IL31RA: variants seen among roughly 807,000 people sequenced by gnomAD.
IL31RA encodes the protein interleukin 31 receptor A.
A neutral mutation model predicts 83.7 loss-of-function variants in IL31RA; 66 were observed. That is an observed-to-expected ratio of 0.79 (90% CI 0.65 to 0.97). The LOEUF (loss-of-function observed/expected upper bound fraction) is 0.97. Ranked by LOEUF, IL31RA falls within the 50% of genes least tolerant of loss-of-function variation. The probability of loss-of-function intolerance (pLI) is 0.00; values close to 1 mark genes in which losing one functional copy is unlikely to be tolerated. For synonymous variants in IL31RA, 325 were observed against 329.0 expected (o/e 0.99, Z 0.13); for missense variants, 798 against 919.4 (o/e 0.87, Z 1.71).
At chr5:55,891,523 G>A (rs1050196588) in intron 6 of IL31RA, among the ~76,000 whole-genome samples, 6 of 152,008 alleles carry the variant, frequency 3.9e-5, no homozygotes, top group African/African-American at 1.5e-4. Flanking sequence ...GCATTCTTTG[G>A]CTTGTGGTCC....
At chr5:55,869,046 T>C in intron 3 of IL31RA, 138 bp downstream of exon 3, 1 of 739,836 alleles carries the variant, frequency 1.4e-6, no homozygotes, top group Non-Finnish European at 2.5e-6. Flanking sequence ...GTGCAGCCAG[T>C]GGCTTGTGGA....
At chr5:55,883,473 G>C (rs1175232063) in intron 5 of IL31RA, among the ~76,000 whole-genome samples, 2 of 152,204 alleles carry the variant, frequency 1.3e-5, no homozygotes, top group Non-Finnish European at 2.9e-5. Context: ...GTCTGGCTAT[G>C]TTGGCTACCA....
In IL31RA at chr5:55,910,542, C is replaced by T; in HGVS notation, c.1512C>T (p.Val504=). The T allele has an allele frequency of 6.2e-7, 1 of 1,614,134 alleles. No individual in the cohort carries two copies. Residue 504 remains valine (V), a synonymous_variant, in exon 12 of 15, where the codon GTC becomes GTT. Transcript: ENST00000652347. ...GTATTTTTCCTTTAGCCAAGACAGT[C>T]AATTCCAGCATCTTGCAGTACGGCC... is the stretch of plus-strand genomic sequence containing the variant. ...AEGGKGFSKT[V]NSSILQYGLE... is the part of the protein sequence containing the mutation.
At chr5:55,864,821 G>A (rs928723833) in intron 2 of IL31RA, among the ~76,000 whole-genome samples, 2 of 149,192 alleles carry the variant, frequency 1.3e-5, no homozygotes, top group Non-Finnish European at 3.0e-5. Flanking sequence ...CATATACTAT[G>A]CACACATACT....
At chr5:55,893,898 G>A (rs1001268227) in intron 6 of IL31RA, among the ~76,000 whole-genome samples, 5 of 144,278 alleles carry the variant, frequency 3.5e-5, no homozygotes, top group South Asian at 2.2e-4. Flanking sequence ...TGCAGCCTCC[G>A]CCTCCCAGGC....
chr5:55,889,949 A>C, intron 5 of IL31RA, 21 bp from the exon 6 acceptor site: 1 of 1,613,048 alleles, frequency 6.2e-7, no homozygotes, highest in Non-Finnish European at 8.5e-7. Flanking sequence ...ATTTCAGTTT[A>C]GGATTGTCTC....
rs1749269837 is a variant in IL31RA at position 55,908,180 on chromosome 5, C to T, written c.1355-85C>T. 6 of 1,595,522 alleles carry T rather than the reference C, an allele frequency of 3.8e-6. No individual in the cohort carries two copies. The South Asian group carries it at 4.5e-5, about 12-fold the overall frequency. On this transcript the variant is annotated intron_variant, in intron 10 of 14. Coordinates refer to ENST00000652347, the MANE Select transcript of IL31RA (RefSeq NM_139017.7). Reference sequence around the variant, plus strand: ...GTCGCCTCCAGCACTATGGTTTGGTCTGAGTACTGGCCAGGGCCTTTGTGG... The same window carrying T: ...GTCGCCTCCAGCACTATGGTTTGGTTTGAGTACTGGCCAGGGCCTTTGTGG...
chr5:55,887,714 G>C (rs112719055), intron 5 of IL31RA, among the ~76,000 whole-genome samples: 1 of 151,918 alleles, frequency 6.6e-6, no homozygotes, highest in African/African-American at 2.4e-5. Context: ...GTGAAACCCC[G>C]TCCCTCTAAA....
At chr5:55,893,061 CA>C (rs1015971015) in intron 6 of IL31RA, among the ~76,000 whole-genome samples, 4 of 152,162 alleles carry the variant, frequency 2.6e-5, no homozygotes, top group Non-Finnish European at 5.9e-5. Context: ...TGTTTCAAAA[CA>C]TGTATTCTAA....
rs544405770 is a variant in IL31RA, at chr5:55,919,190, C to G, written c.*2070C>G. Reference sequence around the variant, plus strand: ...ATGGGGGAGGGCACGGGTACCCCCACAGCTGTTCTTTCAACCCTCCTGCCC... The same window carrying G: ...ATGGGGGAGGGCACGGGTACCCCCAGAGCTGTTCTTTCAACCCTCCTGCCC... On this transcript the variant is annotated 3_prime_UTR_variant, in exon 15 of 15. Transcript: ENST00000652347. Among the ~76,000 whole-genome samples the G allele has an allele frequency of 5.4e-4, 83 of 152,298 alleles. No homozygotes were observed. Among genetic ancestry groups the G allele is most frequent in the Admixed American group, 9.1e-4 (14 of 15,308 alleles).
chr5:55,862,611 GT>G (rs1177144950), intron 2 of IL31RA, among the ~76,000 whole-genome samples: 1 of 152,112 alleles, frequency 6.6e-6, no homozygotes, highest in Non-Finnish European at 1.5e-5. Flanking sequence ...GTTTCACCAT[GT>G]TGGCCCGGCT....
chr5:55,858,122 T>G (rs1342075112), intron 1 of IL31RA, among the ~76,000 whole-genome samples: 2 of 152,176 alleles, frequency 1.3e-5, no homozygotes, highest in Non-Finnish European at 2.9e-5. Flanking sequence ...AACTTAAAAA[T>G]ATTTTAATAT....
intron 2 of IL31RA, among the ~76,000 whole-genome samples, chr5:55,865,099 AC>A (rs1180969377): frequency 6.6e-6 from 1 of 152,092 alleles, no homozygotes; most frequent in Admixed American, 6.5e-5. Context: ...CTGTTTGCTG[AC>A]CCCAAAAGTC....
intron 4 of IL31RA, among the ~76,000 whole-genome samples, chr5:55,876,164 T>C (rs934022775): frequency 6.6e-6 from 1 of 152,164 alleles, no homozygotes; most frequent in Non-Finnish European, 1.5e-5. Context: ...TCCCAGCACT[T>C]TGGGAGGCTG....
At chr5:55,881,022 G>A (rs1033354255) in intron 4 of IL31RA, among the ~76,000 whole-genome samples, 2 of 152,172 alleles carry the variant, frequency 1.3e-5, no homozygotes, top group Non-Finnish European at 2.9e-5. Context: ...AGCTTTAGAG[G>A]CCGGGCGCGG....
intron 14 of IL31RA, among the ~76,000 whole-genome samples, chr5:55,915,827 A>G (rs949628218): frequency 3.3e-5 from 5 of 152,196 alleles, no homozygotes; most frequent in Admixed American, 6.5e-5. Context: ...AATAATCCGT[A>G]GGTTGGACCT....
Position 55,868,829 on chromosome 5 carries a change from T to C in IL31RA, c.193T>C (p.Tyr65His). 6.2e-7 allele frequency: 1 copy of C among 1,610,004 alleles called. No homozygotes were observed. Among genetic ancestry groups the C allele is most frequent in the Non-Finnish European group, 8.5e-7 (1 of 1,176,280 alleles). The change falls in exon 3 of 15, where the codon TAC becomes CAC. Residue 65 changes from tyrosine (Y) to histidine (H), a missense_variant. Tyr to His is a moderately conservative substitution (Grantham distance 83, BLOSUM62 2). Coordinates refer to ENST00000652347, the MANE Select transcript of IL31RA (RefSeq NM_139017.7). ...GCCTGAGAACATTTCCTGTGTCTAC[T>C]ACTATAGGAAAAATTTAACCTGCAC... ...AKPENISCVY[Y>H]YRKNLTCTWS... is the part of the protein sequence containing the mutation.
chr5:55,843,423 C>T, the IL31RA span, among the ~76,000 whole-genome samples: 8 of 152,114 alleles, frequency 5.3e-5, no homozygotes, highest in Non-Finnish European at 1.5e-5. Flanking sequence ...TTCTCTGTGG[C>T]AGATCTTACA....
intron 5 of IL31RA, among the ~76,000 whole-genome samples, chr5:55,886,277 T>C (rs1747608065): frequency 7.2e-6 from 1 of 138,280 alleles, no homozygotes; most frequent in South Asian, 2.4e-4. Context: ...GCTTTTTTTT[T>C]TTTTTTTTTT....
Sources: allele counts gnomAD v4.1 joint callset (sites outside exome capture counted in the v4.1 genomes callset), GRCh38; gene constraint gnomAD v4.1.1; transcripts MANE v1.5; gene names NCBI Gene and HGNC (gene_info 2026-07-23, HGNC 2026-07-21).